NANS: variants seen among roughly 807,000 people sequenced by gnomAD.
NANS encodes N-acetylneuraminate-9-phosphate synthase.
In NANS, 29 loss-of-function variants were observed where a neutral mutation model predicts 33.3. The observed-to-expected ratio is 0.87, with a 90% CI of 0.65 to 1.19. NANS has a LOEUF of 1.19. NANS is among the 50% of genes most tolerant of loss of function. The pLI is 0.00. For missense variants in NANS, 394 were observed against 461.1 expected (o/e 0.85, Z 1.33); for synonymous variants, 163 against 177.2 (o/e 0.92, Z 0.64).
rs779299733 is a variant in NANS, at chr9:98,081,002, C to T, written c.790C>T (p.Arg264Trp). 24 of 1,614,042 alleles carry T rather than the reference C, an allele frequency of 1.5e-5. No individual in the cohort carries two copies. The highest frequency in any genetic ancestry group is 1.4e-4 in the South Asian group (13 of 91,084). ...GCCTGGAGAACTGGCCGAGCTGGTG[C>T]GGTCAGTGCGTCTTGTGGAGCGTGC... ...LEPGELAELV[R>W]SVRLVERALG... The change falls in exon 5 of 6, where the codon CGG (arginine) becomes TGG (tryptophan). Residue 264 changes from arginine (R) to tryptophan (W), a missense_variant. Physicochemically the swap from Arg to Trp is moderately radical, Grantham distance 101 (BLOSUM62 -3). Transcript: ENST00000210444.
intron 4 of NANS, 150 bp from the exon 5 acceptor site, chr9:98,080,666 G>C (rs922255918): frequency 1.3e-6 from 1 of 776,922 alleles, no homozygotes; most frequent in African/African-American, 1.8e-5. Flanking sequence ...TCATCCCTAG[G>C]AAAGAGAGGC....
intron 3 of NANS, among the ~76,000 whole-genome samples, chr9:98,077,374 ATT>A (rs76602477): frequency 2.1e-4 from 29 of 141,396 alleles, no homozygotes; most frequent in African/African-American, 6.5e-4. Context: ...CTTTTTAAGA[ATT>A]TTTTTTTTTT....
intron 1 of NANS, 79 bp downstream of exon 1, chr9:98,057,019 G>T: frequency 1.4e-6 from 2 of 1,444,960 alleles, no homozygotes; most frequent in Non-Finnish European, 1.8e-6. Context: ...AGGGCCACAC[G>T]GCCTCCGCGG....
chr9:98,080,730 C>T (rs1050419804), intron 4 of NANS, 86 bp from the exon 5 acceptor site: 136 of 1,453,938 alleles, frequency 9.4e-5, no homozygotes, highest in Non-Finnish European at 1.2e-4. Flanking sequence ...GTGGCTAAAC[C>T]GGGGCTCAAC....
At chr9:98,061,736 C>T (rs1164127819) in intron 2 of NANS, among the ~76,000 whole-genome samples, 104 of 150,768 alleles carry the variant, frequency 6.9e-4, no homozygotes, top group South Asian at 1.3e-3. Context: ...GCCGAGATCG[C>T]GCCACTGCAC....
intron 2 of NANS, chr9:98,074,686 G>A (rs2117901234): frequency 6.6e-6 from 1 of 152,222 alleles, no homozygotes; most frequent in African/African-American, 2.4e-5. Context: ...AGCCTCTGTA[G>A]GTAAGCTTTC....
intron 2 of NANS, among the ~76,000 whole-genome samples, chr9:98,064,280 G>A (rs573144586): frequency 2.0e-5 from 3 of 151,770 alleles, no homozygotes; most frequent in African/African-American, 4.8e-5. Flanking sequence ...TAAAGACGGA[G>A]TCTTGGTCTG....
rs763988137 is a variant in NANS at position 98,056,835 on chromosome 9, C to G, written c.27C>G (p.Pro9=). 6 of 1,537,238 alleles carry G rather than the reference C, an allele frequency of 3.9e-6. No homozygotes were observed. The highest frequency in any genetic ancestry group is 1.4e-5 in the African/African-American group (1 of 72,054). Residue 9 remains proline (P), a synonymous_variant, in exon 1 of 6, where the codon CCC becomes CCG. Coordinates refer to ENST00000210444, the MANE Select transcript of NANS (RefSeq NM_018946.4). Reference sequence around the variant, plus strand: ...TGCCGCTGGAGCTGGAGCTGTGTCCCGGGCGCTGGGTGGGCGGGCAACACC... The same window carrying G: ...TGCCGCTGGAGCTGGAGCTGTGTCCGGGGCGCTGGGTGGGCGGGCAACACC... The part of the protein sequence containing the change: MPLELELC[P]GRWVGGQHPC...
chr9:98,070,546 G>A (rs1428399493), intron 2 of NANS, among the ~76,000 whole-genome samples: 1 of 151,936 alleles, frequency 6.6e-6, no homozygotes, highest in Non-Finnish European at 1.5e-5. Flanking sequence ...TCAGCCTCCT[G>A]AGTAGCTAGG....
intron 2 of NANS, among the ~76,000 whole-genome samples, chr9:98,067,018 G>T (rs1829168545): frequency 6.6e-6 from 1 of 152,118 alleles, no homozygotes; most frequent in Admixed American, 6.5e-5. Context: ...TACAATATGT[G>T]GTCCTTCGAG....
Position 98,060,916 on chromosome 9 carries a change from G to A in NANS, c.267G>A (p.Glu89=), listed in dbSNP as rs147577436. ...KTYGEHKRHL[E]FSHDQYRELQ... is the part of the protein sequence containing the mutation. ...ACGGGGAGCACAAACGACATCTGGAGTTCAGCCATGACCAGTACAGGGAGC... is the reference window on the plus strand; with the variant it reads ...ACGGGGAGCACAAACGACATCTGGAATTCAGCCATGACCAGTACAGGGAGC... The change falls in exon 2 of 6, where the codon GAG becomes GAA. Residue 89 remains glutamate, a synonymous_variant. Coordinates refer to ENST00000210444, the MANE Select transcript of NANS (RefSeq NM_018946.4). 5.6e-5 allele frequency: 91 copies of A among 1,614,198 alleles called. No individual in the cohort carries two copies. The African/African-American group carries it at 1.1e-3, about 20-fold the overall frequency.
At chr9:98,067,025 C>G (rs906600908) in intron 2 of NANS, among the ~76,000 whole-genome samples, 2 of 152,138 alleles carry the variant, frequency 1.3e-5, no homozygotes, top group African/African-American at 4.8e-5. Context: ...TGTGGTCCTT[C>G]GAGCCTGACT....
chr9:98,065,706 C>T (rs1052111097), intron 2 of NANS, among the ~76,000 whole-genome samples: 5 of 151,370 alleles, frequency 3.3e-5, no homozygotes, highest in African/African-American at 1.2e-4. Flanking sequence ...GAAATCTCAA[C>T]TTGAATTTTA....
chr9:98,060,785 T>C lies in NANS; in HGVS notation c.136T>C (p.Cys46Arg). The C allele has an allele frequency of 6.2e-7, 1 of 1,613,970 alleles. No homozygotes were observed. The highest frequency in any genetic ancestry group is 8.5e-7 in the Non-Finnish European group (1 of 1,179,954). Residue 46 changes from cysteine to arginine, a missense_variant, in exon 2 of 6, where the codon TGT (cysteine) becomes CGT (arginine). Physicochemically the swap from Cys to Arg is radical, Grantham distance 180. Transcript: ENST00000210444. ...AKRMIRMAKECGADCAKFQKS... is the reference protein window; with the variant it reads ...AKRMIRMAKERGADCAKFQKS... ...GATGTCCTAATGTGTGTTGTAGGAG[T>C]GTGGGGCTGATTGTGCTAAGTTCCA...
Position 98,082,997 on chromosome 9 carries a change from A to C in NANS, c.1022A>C (p.Glu341Ala). The C allele has an allele frequency of 1.9e-6, 3 of 1,614,242 alleles. No homozygotes were observed. The highest frequency in any genetic ancestry group is 2.5e-6 in the Non-Finnish European group (3 of 1,180,042). ...VGKKVLVTVE[E>A]DDTIMEELVD... ...AAGAAGGTCCTGGTCACTGTTGAAG[A>C]GGATGACACCATCATGGAAGAATTG... The change falls in exon 6 of 6, where the codon GAG becomes GCG. Residue 341 changes from glutamate to alanine, a missense_variant. Transcript: ENST00000210444.
At position 98,056,779 on chromosome 9, in the gene NANS, T is replaced by C. The variant is rs542085176; in HGVS notation, c.-30T>C. The stretch of plus-strand genomic sequence containing the variant: ...GCGGCGGCGGCCGGACCCAGACTGG[T>C]AGTGAGGCTTTGGACCCCGAGCCGC... On this transcript the variant is annotated 5_prime_UTR_variant, in exon 1 of 6. Transcript: ENST00000210444. The C allele has an allele frequency of 3.1e-6, 5 of 1,606,334 alleles. No individual in the cohort carries two copies. Among genetic ancestry groups the C allele is most frequent in the Admixed American group, 1.7e-5 (1 of 59,350 alleles).
chr9:98,070,183 T>C (rs1462153989), intron 2 of NANS, among the ~76,000 whole-genome samples: 1 of 152,254 alleles, frequency 6.6e-6, no homozygotes, highest in East Asian at 1.9e-4. Context: ...AGTGGCACGA[T>C]TGTGGCTCAC....
At chr9:98,065,269 A>G (rs1226187974) in intron 2 of NANS, among the ~76,000 whole-genome samples, 3 of 150,598 alleles carry the variant, frequency 2.0e-5, no homozygotes, top group Non-Finnish European at 4.4e-5. Flanking sequence ...CTTCTGGTGA[A>G]ATAATATTAT....
At chr9:98,070,290 G>A (rs1829282763) in intron 2 of NANS, among the ~76,000 whole-genome samples, 1 of 151,782 alleles carries the variant, frequency 6.6e-6, no homozygotes, top group Admixed American at 6.6e-5. Context: ...GCTAATTTTT[G>A]TATTTTTAGT....
Sources: gnomAD v4.1 joint callset for allele counts (sites outside exome capture counted in the v4.1 genomes callset) on GRCh38, gnomAD v4.1.1 for gene constraint, MANE v1.5 for transcripts, NCBI Gene and HGNC (gene_info 2026-07-23, HGNC 2026-07-21) for gene names.